The following VWC2L variants were observed in gnomAD, a reference collection of about 807,000 sequenced individuals.
VWC2L encodes the protein von Willebrand factor C domain-containing protein 2-like.
VWC2L carries 10 observed loss-of-function variants against 21.6 expected under a neutral mutation model. The ratio of observed to expected loss-of-function variants is 0.46; its 90% CI spans 0.29 to 0.78. The LOEUF is 0.78. VWC2L is among the 30% of genes least tolerant of loss of function. The pLI is 0.10. For missense variants in VWC2L, 209 were observed against 277.1 expected (o/e 0.75, Z 1.74); for synonymous variants, 96 against 94.3 (o/e 1.02, Z -0.10).
At chr2:214,429,629 T>G (rs1039865284) in intron 2 of VWC2L, among the ~76,000 whole-genome samples, 1 of 152,110 alleles carries the variant, frequency 6.6e-6, no homozygotes, top group South Asian at 2.1e-4. Flanking sequence ...AAATTTACAT[T>G]TATATGTTTT....
chr2:214,548,089 G>C (rs1160984328), intron 3 of VWC2L, among the ~76,000 whole-genome samples: 1 of 152,192 alleles, frequency 6.6e-6, no homozygotes, highest in Non-Finnish European at 1.5e-5. Flanking sequence ...GCTAATGCCA[G>C]TATAATTCTC....
At chr2:214,433,285 G>T (rs1432367298) in intron 2 of VWC2L, among the ~76,000 whole-genome samples, 2 of 151,142 alleles carry the variant, frequency 1.3e-5, no homozygotes, top group African/African-American at 4.9e-5. Flanking sequence ...TATTTTCTAA[G>T]GAGTGCACAG....
intron 3 of VWC2L, among the ~76,000 whole-genome samples, chr2:214,487,443 A>G (rs1178238216): frequency 4.6e-5 from 7 of 152,180 alleles, no homozygotes; most frequent in Middle Eastern, 3.2e-3. Flanking sequence ...CCTCCTAAAG[A>G]CAAAACAAGG....
At chr2:214,438,376 G>A (rs1420075763) in intron 3 of VWC2L, among the ~76,000 whole-genome samples, 1 of 151,942 alleles carries the variant, frequency 6.6e-6, no homozygotes, top group Admixed American at 6.6e-5. Flanking sequence ...ACAGGTCTTG[G>A]ACTGAAGACT....
At chr2:214,461,722 G>A (rs1703144199) in intron 3 of VWC2L, among the ~76,000 whole-genome samples, 1 of 152,182 alleles carries the variant, frequency 6.6e-6, no homozygotes, top group South Asian at 2.1e-4. Context: ...ACAGGAGCAG[G>A]TTATGATAGG....
intron 3 of VWC2L, among the ~76,000 whole-genome samples, chr2:214,567,372 G>T (rs1690077823): frequency 6.6e-6 from 1 of 152,136 alleles, no homozygotes; most frequent in Admixed American, 6.5e-5. Context: ...TGCCTTCCAA[G>T]ATAATTGCTA....
chr2:214,450,112 C>G (rs1361981654), intron 3 of VWC2L, among the ~76,000 whole-genome samples: 1 of 152,114 alleles, frequency 6.6e-6, no homozygotes, highest in Non-Finnish European at 1.5e-5. Flanking sequence ...TTATTGATGT[C>G]TTTGGATTAG....
rs28752037 is a variant in VWC2L at position 214,495,889 on chromosome 2, G to T, written c.520+59131G>T. Among the ~76,000 whole-genome samples the T allele has an allele frequency of 8.8e-3, 1,339 of 152,088 alleles. 19 individuals are homozygous for T. The highest frequency in any genetic ancestry group is 0.03 in the African/African-American group (1,264 of 41,480). On this transcript the variant is annotated intron_variant, in intron 3 of 3. Coordinates refer to ENST00000312504, the MANE Select transcript of VWC2L (RefSeq NM_001080500.4). Reference sequence around the variant, plus strand: ...TTATAGGAAATAATATTTCAAAAAAGCCAACAAGTCAGTTCAGATTTTTTT... The same window carrying T: ...TTATAGGAAATAATATTTCAAAAAATCCAACAAGTCAGTTCAGATTTTTTT...
chr2:214,547,396 G>A (rs1338188225), intron 3 of VWC2L, among the ~76,000 whole-genome samples: 1 of 152,156 alleles, frequency 6.6e-6, no homozygotes, highest in Admixed American at 6.5e-5. Context: ...GCAGGAGGGA[G>A]AATGTTCGAC....
At chr2:214,513,871 T>A (rs896736392) in intron 3 of VWC2L, among the ~76,000 whole-genome samples, 2 of 152,128 alleles carry the variant, frequency 1.3e-5, no homozygotes, top group African/African-American at 4.8e-5. Flanking sequence ...GTATGAAGTC[T>A]TCCCTTCAAT....
chr2:214,532,931 G>GGACCCTGTGCTAGAGAGAGGA (rs71037376), intron 3 of VWC2L, among the ~76,000 whole-genome samples: 145,785 of 151,812 alleles, frequency 0.96, 70,225 homozygotes, highest in Non-Finnish European at 1. Flanking sequence ...TAGAGAGAGG[G>GGACCCTGTGCTAGAGAGAGGA]GACCCTGACA....
intron 3 of VWC2L, among the ~76,000 whole-genome samples, chr2:214,547,920 C>G (rs904089437): frequency 6.6e-6 from 1 of 152,218 alleles, no homozygotes; most frequent in Non-Finnish European, 1.5e-5. Flanking sequence ...CCAAGCAGAG[C>G]TTGTTGACTG....
chr2:214,491,433 G>C lies in VWC2L; in HGVS notation c.520+54675G>C, dbSNP rs77015575. On this transcript the variant is annotated intron_variant, in intron 3 of 3. Transcript: ENST00000312504. ...TAAGGTTTTCCATGAGGGAAGAAGAGAGACTAAATCCCAAAGCCAAAGATT... is the reference window on the plus strand; with the variant it reads ...TAAGGTTTTCCATGAGGGAAGAAGACAGACTAAATCCCAAAGCCAAAGATT... Among the ~76,000 whole-genome samples the C allele has an allele frequency of 9.0e-3, 1,373 of 152,256 alleles. 22 individuals are homozygous for C. The highest frequency in any genetic ancestry group is 0.031 in the African/African-American group (1,295 of 41,528).
chr2:214,442,055 G>A (rs751281519), intron 3 of VWC2L, among the ~76,000 whole-genome samples: 6 of 151,882 alleles, frequency 4.0e-5, no homozygotes, highest in Non-Finnish European at 8.8e-5. Context: ...GGGATTATAG[G>A]TGCCCGCCAC....
intron 3 of VWC2L, among the ~76,000 whole-genome samples, chr2:214,474,173 A>C (rs1026647293): frequency 2.6e-5 from 4 of 152,158 alleles, no homozygotes; most frequent in Non-Finnish European, 5.9e-5. Flanking sequence ...AAGGAAGAAA[A>C]TATCTTACTG....
intron 3 of VWC2L, among the ~76,000 whole-genome samples, chr2:214,456,891 GGATTT>G (rs1703066783): frequency 6.6e-6 from 1 of 152,090 alleles, no homozygotes; most frequent in African/African-American, 2.4e-5. Flanking sequence ...GTAAATATAT[GGATTT>G]ATTTTTGGGT....
chr2:214,551,631 A>G (rs1442019172), intron 3 of VWC2L, among the ~76,000 whole-genome samples: 1 of 152,146 alleles, frequency 6.6e-6, no homozygotes, highest in African/African-American at 2.4e-5. Flanking sequence ...AGTGATTTTT[A>G]TTGACTTCTC....
At chr2:214,537,391 A>G (rs1170963986) in intron 3 of VWC2L, among the ~76,000 whole-genome samples, 1 of 152,040 alleles carries the variant, frequency 6.6e-6, no homozygotes, top group Non-Finnish European at 1.5e-5. Context: ...GCTGGAAGAC[A>G]TTATGCCAAG....
chr2:214,511,330 T>C (rs558232477), intron 3 of VWC2L, among the ~76,000 whole-genome samples: 5 of 152,286 alleles, frequency 3.3e-5, no homozygotes, highest in African/African-American at 1.2e-4. Context: ...CACTGTGGAC[T>C]AAATTGTGGT....
Sources: allele counts gnomAD v4.1 joint callset (sites outside exome capture counted in the v4.1 genomes callset), GRCh38; gene constraint gnomAD v4.1.1; transcripts MANE v1.5; gene names NCBI Gene and HGNC (gene_info 2026-07-23, HGNC 2026-07-21).